The following XKR9 variants were observed in gnomAD, a reference collection of about 807,000 sequenced individuals.
XKR9 encodes XK-related protein 9.
In XKR9, 32 loss-of-function variants were observed where a neutral mutation model predicts 32.0. The observed-to-expected ratio is 1.00, with a 90% confidence interval of 0.76 to 1.34. The LOEUF is 1.34. Ranked by LOEUF, XKR9 falls within the 40% of genes most tolerant of loss-of-function variation. The probability of loss-of-function intolerance (pLI) is 0.00; values close to 1 mark genes in which losing one functional copy is unlikely to be tolerated. For missense variants in XKR9, 546 were observed against 429.7 expected (o/e 1.27, Z -2.39); for synonymous variants, 168 against 143.4 (o/e 1.17, Z -1.22).
chr8:70,944,978 C>A, the XKR9 span, among the ~76,000 whole-genome samples: 1 of 151,994 alleles, frequency 6.6e-6, no homozygotes, highest in African/African-American at 2.4e-5. Flanking sequence ...AAATCCTTAT[C>A]CATAGGGAAT....
chr8:70,699,587 C>T (rs2132156734), intron 3 of XKR9, among the ~76,000 whole-genome samples: 1 of 152,256 alleles, frequency 6.6e-6, no homozygotes, highest in Middle Eastern at 3.4e-3. Context: ...TGTGGGTAAC[C>T]CAACCTTTCT....
chr8:70,903,675 G>A, the XKR9 span, among the ~76,000 whole-genome samples: 8 of 152,044 alleles, frequency 5.3e-5, no homozygotes, highest in South Asian at 6.2e-4. Flanking sequence ...CTTGCCTTCC[G>A]CTAGCTTTTG....
intron 2 of XKR9, among the ~76,000 whole-genome samples, chr8:70,760,981 G>A (rs933814672): frequency 6.6e-6 from 1 of 152,120 alleles, no homozygotes; most frequent in African/African-American, 2.4e-5. Context: ...TTCTGTTGCT[G>A]TGTTACTTTG....
At chr8:70,710,167 G>C (rs531286260) in intron 4 of XKR9, among the ~76,000 whole-genome samples, 99 of 152,112 alleles carry the variant, frequency 6.5e-4, no homozygotes, top group Admixed American at 1.2e-3. Context: ...CTTCGACAGA[G>C]TCGACAGTAA....
the XKR9 span, among the ~76,000 whole-genome samples, chr8:70,798,542 G>A: frequency 3.3e-5 from 5 of 152,174 alleles, no homozygotes; most frequent in East Asian, 1.9e-4. Context: ...CTCTGCAGAA[G>A]CTCCTCAGTT....
At chr8:70,740,787 C>T (rs1014467803), downstream of XKR9, among the ~76,000 whole-genome samples, 3 of 152,322 alleles carry the variant, frequency 2.0e-5, no homozygotes, top group South Asian at 6.2e-4. Context: ...AGTGGATTTT[C>T]GTGAACCACG....
At chr8:70,970,995 A>C in the XKR9 span, among the ~76,000 whole-genome samples, 14 of 152,306 alleles carry the variant, frequency 9.2e-5, no homozygotes, top group East Asian at 2.5e-3. Context: ...CTATAAAGAC[A>C]CATGCACATG....
intron 4 of XKR9, among the ~76,000 whole-genome samples, chr8:70,718,277 T>G (rs1015359885): frequency 1.3e-5 from 2 of 151,544 alleles, no homozygotes; most frequent in Admixed American, 1.3e-4. Context: ...TTTATTTATT[T>G]TATTAATCTA....
the XKR9 span, among the ~76,000 whole-genome samples, chr8:70,817,504 A>T: frequency 1.3e-5 from 2 of 152,198 alleles, no homozygotes; most frequent in Non-Finnish European, 2.9e-5. Context: ...AAACCATTTC[A>T]TGCTCGTGGA....
chr8:70,881,273 T>C, the XKR9 span, among the ~76,000 whole-genome samples: 1 of 151,922 alleles, frequency 6.6e-6, no homozygotes, highest in Admixed American at 6.6e-5. Flanking sequence ...ACAAATGGGA[T>C]CTAATTAAAC....
the XKR9 span, among the ~76,000 whole-genome samples, chr8:70,825,898 A>C: frequency 4.6e-5 from 7 of 152,080 alleles, no homozygotes; most frequent in Non-Finnish European, 8.8e-5. Context: ...AATTTTCTGC[A>C]AAGAGATTTA....
At chr8:70,882,187 C>T in the XKR9 span, among the ~76,000 whole-genome samples, 1 of 152,004 alleles carries the variant, frequency 6.6e-6, no homozygotes, top group East Asian at 1.9e-4. Flanking sequence ...GTGCAGCAAA[C>T]CAACATGGTT....
chr8:70,987,106 A>G, the XKR9 span, among the ~76,000 whole-genome samples: 3 of 152,156 alleles, frequency 2.0e-5, no homozygotes, highest in African/African-American at 7.2e-5. Flanking sequence ...CCCAAAACAC[A>G]TGGAATTATG....
chr8:70,697,274 G>A (rs1374659920), intron 3 of XKR9, among the ~76,000 whole-genome samples: 1 of 151,524 alleles, frequency 6.6e-6, no homozygotes, highest in African/African-American at 2.4e-5. Context: ...TTTTCAAAGG[G>A]AATGCTTCCA....
the XKR9 span, among the ~76,000 whole-genome samples, chr8:70,880,451 A>T: frequency 6.6e-6 from 1 of 152,208 alleles, no homozygotes; most frequent in African/African-American, 2.4e-5. Context: ...AATGTGCAAA[A>T]ATCACAAGCA....
At chr8:70,821,350 C>T in the XKR9 span, among the ~76,000 whole-genome samples, 1 of 152,236 alleles carries the variant, frequency 6.6e-6, no homozygotes, top group African/African-American at 2.4e-5. Context: ...GTCCTGGCTG[C>T]TTTCACAGGC....
chr8:71,026,379 A>G, the XKR9 span, among the ~76,000 whole-genome samples: 10 of 152,188 alleles, frequency 6.6e-5, no homozygotes, highest in Non-Finnish European at 1.3e-4. Flanking sequence ...GAGATCTTCC[A>G]TACAAAATTA....
downstream of XKR9, among the ~76,000 whole-genome samples, chr8:70,738,684 G>T (rs1427405555): frequency 6.6e-6 from 1 of 151,858 alleles, no homozygotes; most frequent in African/African-American, 2.4e-5. Context: ...TGTTCTCGTT[G>T]GTTTCAAAGA....
At chr8:70,789,770 G>A (rs1807739736) in intron 3 of XKR9, among the ~76,000 whole-genome samples, 1 of 151,842 alleles carries the variant, frequency 6.6e-6, no homozygotes, top group Admixed American at 6.6e-5. Context: ...GTCATCTTGT[G>A]GAATGTAGGT....
Sources: gnomAD v4.1 joint callset for allele counts (sites outside exome capture counted in the v4.1 genomes callset) on GRCh38, gnomAD v4.1.1 for gene constraint, MANE v1.5 for transcripts, NCBI Gene and HGNC (gene_info 2026-07-23, HGNC 2026-07-21) for gene names.